Variants in ABLIM3 observed in about 807,000 individuals in gnomAD.
The protein encoded by ABLIM3 is actin binding LIM protein family member 3.
A neutral mutation model predicts 109.5 loss-of-function variants in ABLIM3; 61 were observed. The ratio of observed to expected loss-of-function variants is 0.56; its 90% CI spans 0.45 to 0.69. The LOEUF (loss-of-function observed/expected upper bound fraction) is 0.69. ABLIM3 is among the 30% of genes least tolerant of loss of function. The probability of loss-of-function intolerance (pLI) is 0.00; values close to 1 mark genes in which losing one functional copy is unlikely to be tolerated. For synonymous variants in ABLIM3, 300 were observed against 324.8 expected, an observed-to-expected ratio of 0.92 and a Z score of 0.82; for missense variants, 796 against 889.5, an observed-to-expected ratio of 0.89 and a Z score of 1.34.
In ABLIM3 at chr5:149,198,673, C is replaced by T. The variant is rs2127496469; in HGVS notation, c.335+271C>T. On this transcript the variant is annotated intron_variant, in intron 4 of 23. Transcript: ENST00000309868. This position sits in a 1 kb window ranked among gnomAD's most constrained non-coding sequence, Gnocchi z 4.2. Reference sequence around the variant, plus strand: ...GATCTGTACCTCTAAACTCAGCCTCCCAATTCCTCTCAAAAGGCCCCCAAA... The same window carrying T: ...GATCTGTACCTCTAAACTCAGCCTCTCAATTCCTCTCAAAAGGCCCCCAAA... 6.6e-6 allele frequency among the ~76,000 whole-genome samples: 1 copy of T among 152,274 alleles called. No homozygotes were observed. The highest frequency in any genetic ancestry group is 2.1e-4 in the South Asian group (1 of 4,830).
At chr5:149,143,868 C>G (rs1298922228) in intron 2 of ABLIM3, among the ~76,000 whole-genome samples, 1 of 151,724 alleles carries the variant, frequency 6.6e-6, no homozygotes, top group East Asian at 1.9e-4. Context: ...CTCACTATCT[C>G]TAGGAAAAAA....
intron 6 of ABLIM3, among the ~76,000 whole-genome samples, chr5:149,209,434 TA>T (rs1759328799): frequency 6.6e-6 from 1 of 152,170 alleles, no homozygotes; most frequent in Non-Finnish European, 1.5e-5. Context: ...TCCTCATTTA[TA>T]AAAATGGAGA....
intron 4 of ABLIM3, chr5:149,199,093 G>T (rs6876424): frequency 6.6e-6 from 3 of 456,422 alleles, no homozygotes; most frequent in Admixed American, 2.4e-5. Context: ...TTTACCTTCC[G>T]CATCACCATC....
At chr5:149,215,115 G>A (rs1759929946) in intron 7 of ABLIM3, among the ~76,000 whole-genome samples, 1 of 152,198 alleles carries the variant, frequency 6.6e-6, no homozygotes, top group East Asian at 1.9e-4. Flanking sequence ...GGGTGAGGTA[G>A]TGGGGCATGA....
intron 13 of ABLIM3, chr5:149,240,380 G>T: frequency 2.1e-6 from 1 of 475,656 alleles, no homozygotes; most frequent in Admixed American, 3.4e-5. Flanking sequence ...AGGATGGTTG[G>T]GGAGATAAGA....
chr5:149,202,318 G>A (rs1758569694), intron 5 of ABLIM3, among the ~76,000 whole-genome samples: 1 of 152,222 alleles, frequency 6.6e-6, no homozygotes, highest in Non-Finnish European at 1.5e-5. Context: ...TGAGTCAAGA[G>A]GAGCAAATGA....
intron 10 of ABLIM3, among the ~76,000 whole-genome samples, chr5:149,234,947 C>T (rs771893695): frequency 6.6e-6 from 1 of 152,178 alleles, no homozygotes; most frequent in Non-Finnish European, 1.5e-5. Flanking sequence ...TGATGTTCAC[C>T]GTGGAGTCCT....
chr5:149,230,416 T>C (rs983972882), intron 8 of ABLIM3, among the ~76,000 whole-genome samples: 10 of 152,114 alleles, frequency 6.6e-5, no homozygotes, highest in Non-Finnish European at 1.3e-4. Context: ...CAAGAGGATG[T>C]CATGTGAGCC....
Position 149,259,291 on chromosome 5 carries a change from G to T in ABLIM3, c.*887G>T. The T allele has an allele frequency of 7.3e-7, 1 of 1,370,628 alleles. No homozygotes were observed. The highest frequency in any genetic ancestry group is 2.8e-5 in the East Asian group (1 of 35,850). The allele number at this position is 1,370,628 out of a possible 1,614,324, so 84.9% of individuals were successfully genotyped here. A position where few individuals can be genotyped will look rare whatever the true frequency, so the allele number is the denominator to read the frequency against. ...TTCCCTCTTTCAAGGAGAAGCCCAT[G>T]ATTGCAGCTTGTATTCTTTAGCCTT... is the stretch of plus-strand genomic sequence containing the variant. On this transcript the variant is annotated 3_prime_UTR_variant, in exon 24 of 24. Transcript: ENST00000309868.
intron 8 of ABLIM3, among the ~76,000 whole-genome samples, chr5:149,230,369 A>T (rs1304541958): frequency 6.6e-6 from 1 of 152,212 alleles, no homozygotes; most frequent in Non-Finnish European, 1.5e-5. Flanking sequence ...CACAAAGGAC[A>T]GAGAAGTCAC....
intron 7 of ABLIM3, chr5:149,216,756 C>T (rs1405775431): frequency 5.3e-6 from 3 of 570,736 alleles, no homozygotes; most frequent in Non-Finnish European, 9.4e-6. Context: ...CCTGAACTGC[C>T]ATCAGGGATC....
chr5:149,258,639 G>C lies in ABLIM3; in HGVS notation c.*235G>C. On this transcript the variant is annotated 3_prime_UTR_variant, in exon 24 of 24. Transcript: ENST00000309868. ...TTGAGGGGACTCTGTCCTTTTATTG[G>C]GGATCCTTTTTATACTGAAACATCT... The C allele has an allele frequency of 8.0e-7, 1 of 1,250,412 alleles. No homozygotes were observed. The highest frequency in any genetic ancestry group is 1.0e-6 in the Non-Finnish European group (1 of 996,582). 77.5% of individuals were successfully genotyped at this position (1,250,412 alleles called of 1,614,324 possible). A position where few individuals can be genotyped will look rare whatever the true frequency, so the allele number is the denominator to read the frequency against.
chr5:149,183,970 G>T (rs1427079737), intron 3 of ABLIM3, among the ~76,000 whole-genome samples: 2 of 126,260 alleles, frequency 1.6e-5, no homozygotes, highest in South Asian at 2.7e-4. Context: ...TTTGTTTTTT[G>T]GTTTTTTTTT....
At chr5:149,223,226 A>G (rs1228073555) in intron 8 of ABLIM3, among the ~76,000 whole-genome samples, 1 of 152,122 alleles carries the variant, frequency 6.6e-6, no homozygotes, top group African/African-American at 2.4e-5. Flanking sequence ...GTTTGTTTCC[A>G]GCTTCTCCTC....
At position 149,247,801 on chromosome 5, in the gene ABLIM3, G is replaced by C; in HGVS notation, c.1571G>C (p.Arg524Pro). The C allele has an allele frequency of 6.2e-7, 1 of 1,614,196 alleles. No homozygotes were observed. Among genetic ancestry groups the C allele is most frequent in the Non-Finnish European group, 8.5e-7 (1 of 1,180,044 alleles). Residue 524 changes from arginine to proline, a missense_variant, in exon 18 of 24, where the codon CGG becomes CCG. Coordinates refer to ENST00000309868, the MANE Select transcript of ABLIM3 (RefSeq NM_014945.5). ...CCTCAGCTCCAAAGTGGAATTGGCCGGCTGATTCTGAAGGAAGAAATGAAG... is the reference window on the plus strand; with the variant it reads ...CCTCAGCTCCAAAGTGGAATTGGCCCGCTGATTCTGAAGGAAGAAATGAAG... ...SMHKLQSGIG[R>P]LILKEEMKAR...
At chr5:149,234,742 G>A (rs1284795950) in intron 10 of ABLIM3, among the ~76,000 whole-genome samples, 1 of 152,180 alleles carries the variant, frequency 6.6e-6, no homozygotes. Context: ...CCAGACCACA[G>A]CAGGATTAAT....
At chr5:149,217,851 A>T (rs1387801097) in intron 8 of ABLIM3, 1 of 152,218 alleles carries the variant, frequency 6.6e-6, no homozygotes, top group African/African-American at 2.4e-5. Context: ...TCATCCACTC[A>T]ATGATTGTTT....
chr5:149,209,129 AT>A (rs1243670103), intron 6 of ABLIM3, among the ~76,000 whole-genome samples: 1 of 152,080 alleles, frequency 6.6e-6, no homozygotes, highest in African/African-American at 2.4e-5. Context: ...ATTCCCCTCT[AT>A]GCCCACCAAG....
chr5:149,215,962 T>TC (rs1168443688), intron 7 of ABLIM3, among the ~76,000 whole-genome samples: 1 of 152,134 alleles, frequency 6.6e-6, no homozygotes, highest in African/African-American at 2.4e-5. Flanking sequence ...GGCTGTTTCT[T>TC]CCCCCCATGG....
Sources: gnomAD v4.1 joint callset for allele counts (sites outside exome capture counted in the v4.1 genomes callset) on GRCh38, gnomAD v4.1.1 for gene constraint, Gnocchi (gnomAD v3.1) non-coding constraint, MANE v1.5 for transcripts, NCBI Gene and HGNC (gene_info 2026-07-23, HGNC 2026-07-21) for gene names.